Variants in CSMD1 observed in about 807,000 individuals in gnomAD.
The protein encoded by CSMD1 is CUB and sushi domain-containing protein 1.
In CSMD1, 213 loss-of-function variants were observed where a neutral mutation model predicts 417.5. The observed-to-expected ratio is 0.51, with a 90% CI of 0.46 to 0.57. The LOEUF (loss-of-function observed/expected upper bound fraction) is 0.57. Among genes scored for constraint, CSMD1 ranks in the 20% least tolerant of loss-of-function variants. CSMD1 has a pLI of 0.00. For synonymous variants in CSMD1, 2,862 were observed against 1,736.8 expected (o/e 1.65, Z -16.11); for missense variants, 6,923 against 4,529.7 (o/e 1.53, Z -15.17).
At position 4,606,370 on chromosome 8, in the gene CSMD1, A is replaced by G. The variant is rs562591953; in HGVS notation, c.302+30972T>C. Among the ~76,000 whole-genome samples, 71 of 151,436 alleles carry G rather than the reference A, an allele frequency of 4.7e-4. 2 individuals carry two copies. The South Asian group carries it at 7.9e-3, about 17-fold the overall frequency. On this transcript the variant is annotated intron_variant, in intron 2 of 69. Coordinates refer to ENST00000635120, the MANE Select transcript of CSMD1 (RefSeq NM_033225.6). ...AAACAGGGAGAGAAAAAAAAAAAAG[A>G]GTTCTTTCTGTGCCAGAGGTGAGGC...
chr8:4,323,424 G>C (rs915157797), intron 3 of CSMD1, among the ~76,000 whole-genome samples: 1 of 152,124 alleles, frequency 6.6e-6, no homozygotes, highest in Non-Finnish European at 1.5e-5. Context: ...CTTCTTCACA[G>C]GTCACCCCAT....
At chr8:4,723,543 G>A (rs1437825947) in intron 1 of CSMD1, among the ~76,000 whole-genome samples, 4 of 152,044 alleles carry the variant, frequency 2.6e-5, no homozygotes, top group South Asian at 2.1e-4. Flanking sequence ...ATAATAGGAA[G>A]AAATTTATTT....
intron 5 of CSMD1, among the ~76,000 whole-genome samples, chr8:3,990,967 C>T (rs930211467): frequency 9.9e-5 from 15 of 152,140 alleles, no homozygotes; most frequent in Admixed American, 3.3e-4. Flanking sequence ...TTCAGAAGGA[C>T]AGGAGAGAAA....
intron 48 of CSMD1, among the ~76,000 whole-genome samples, chr8:3,087,726 C>T (rs371125030): frequency 3.9e-5 from 6 of 152,178 alleles, no homozygotes; most frequent in African/African-American, 9.7e-5. Context: ...AGTCATCCTG[C>T]GCTGTATGCA....
intron 10 of CSMD1, among the ~76,000 whole-genome samples, chr8:3,573,513 G>A (rs937537482): frequency 1.8e-4 from 27 of 152,114 alleles, no homozygotes; most frequent in African/African-American, 5.1e-4. Flanking sequence ...AGCCTGCAAC[G>A]CCCTGGAGTT....
chr8:3,231,186 G>T (rs530304786), intron 26 of CSMD1, among the ~76,000 whole-genome samples: 2 of 152,016 alleles, frequency 1.3e-5, no homozygotes, highest in South Asian at 4.1e-4. Context: ...ATTATGTGTC[G>T]CACTGAAAAT....
intron 5 of CSMD1, among the ~76,000 whole-genome samples, chr8:3,887,922 C>G (rs1357844696): frequency 1.3e-5 from 2 of 152,072 alleles, no homozygotes; most frequent in African/African-American, 4.8e-5. Context: ...CAATTACAAT[C>G]AGGAAAAGAA....
rs191706943 is a variant in CSMD1, at chr8:2,967,069, T to G, written c.8924-323A>C. Among the ~76,000 whole-genome samples, 698 of 152,316 alleles carry G rather than the reference T, an allele frequency of 4.6e-3. 5 individuals are homozygous for G. The highest frequency in any genetic ancestry group is 7.5e-3 in the Non-Finnish European group (508 of 68,034). ...TGAATGTTTTTAATAGCCTTGCTATTTGGGGATTGAATGTTTTTAATGCCG... is the reference window on the plus strand; with the variant it reads ...TGAATGTTTTTAATAGCCTTGCTATGTGGGGATTGAATGTTTTTAATGCCG... On this transcript the variant is annotated intron_variant, in intron 57 of 69. Transcript: ENST00000635120.
intron 10 of CSMD1, among the ~76,000 whole-genome samples, chr8:3,535,534 A>G (rs1032234656): frequency 6.6e-6 from 1 of 152,166 alleles, no homozygotes; most frequent in East Asian, 1.9e-4. Flanking sequence ...AAGACCACGG[A>G]GACTTGGAAG....
At chr8:4,826,083 T>A (rs576515538) in intron 1 of CSMD1, among the ~76,000 whole-genome samples, 45 of 152,052 alleles carry the variant, frequency 3.0e-4, no homozygotes, top group African/African-American at 9.6e-4. Flanking sequence ...TGGAGTTTCC[T>A]CAAAAAATTA....
intron 5 of CSMD1, among the ~76,000 whole-genome samples, chr8:3,982,198 A>ATAATAAT (rs67611582): frequency 1.6e-3 from 128 of 81,006 alleles, no homozygotes; most frequent in African/African-American, 4.9e-3. Flanking sequence ...AATATTAATA[A>ATAATAAT]AAAAAATAAT....
chr8:4,507,682 A>G (rs1005937479), intron 2 of CSMD1, among the ~76,000 whole-genome samples: 1 of 152,214 alleles, frequency 6.6e-6, no homozygotes, highest in African/African-American at 2.4e-5. Context: ...AATGGAAGAT[A>G]CATAAATACT....
intron 3 of CSMD1, among the ~76,000 whole-genome samples, chr8:4,146,436 G>A (rs1585416998): frequency 6.6e-6 from 1 of 150,462 alleles, no homozygotes; most frequent in Admixed American, 6.6e-5. Flanking sequence ...TACCCAGGAT[G>A]TGTCTCAGCA....
rs1485459399 is a variant in CSMD1, at chr8:3,839,004, T to C, written c.819-84962A>G. Among the ~76,000 whole-genome samples, 3 of 127,196 alleles carry C rather than the reference T, an allele frequency of 2.4e-5. 1 individual carries two copies. The Admixed American group carries it at 2.8e-4, about 12-fold the overall frequency. 83.4% of individuals were successfully genotyped at this position (127,196 alleles called of 152,430 possible). ...TATTATATATCATATAATTATAATA[T>C]TATATATTTATATGTTGATATTATA... On this transcript the variant is annotated intron_variant, in intron 5 of 69. Coordinates refer to ENST00000635120, the MANE Select transcript of CSMD1 (RefSeq NM_033225.6).
chr8:3,825,043 G>T (rs1801973941), intron 5 of CSMD1, among the ~76,000 whole-genome samples: 1 of 152,076 alleles, frequency 6.6e-6, no homozygotes, highest in Non-Finnish European at 1.5e-5. Flanking sequence ...TCATATTTAG[G>T]GAGACTTCGC....
At chr8:3,946,379 T>C (rs1261392592) in intron 5 of CSMD1, among the ~76,000 whole-genome samples, 1 of 152,188 alleles carries the variant, frequency 6.6e-6, no homozygotes, top group African/African-American at 2.4e-5. Context: ...GGCCTGTCTC[T>C]GGATTTTCTC....
chr8:4,279,432 C>A (rs146086516), intron 3 of CSMD1, among the ~76,000 whole-genome samples: 292 of 152,238 alleles, frequency 1.9e-3, no homozygotes, highest in African/African-American at 6.8e-3. Context: ...GCAGTATTGT[C>A]CTTGGATAAG....
chr8:3,714,777 T>C (rs1801733986), intron 6 of CSMD1, among the ~76,000 whole-genome samples: 1 of 152,044 alleles, frequency 6.6e-6, no homozygotes, highest in Admixed American at 6.6e-5. Context: ...TTTAATGGCT[T>C]ATTGGTTATT....
intron 5 of CSMD1, among the ~76,000 whole-genome samples, chr8:3,926,053 T>TACACACACACACACACAAACACCATAC (rs1563218050): frequency 0.07 from 6,087 of 86,724 alleles, 613 homozygotes; most frequent in East Asian, 0.14. Context: ...AAACACCATA[T>TACACACACACACACACAAACACCATAC]ACACACACAC....
Sources: allele counts gnomAD v4.1 joint callset (sites outside exome capture counted in the v4.1 genomes callset), GRCh38; gene constraint gnomAD v4.1.1; transcripts MANE v1.5; gene names NCBI Gene and HGNC (gene_info 2026-07-23, HGNC 2026-07-21).